Variants in SLC35B4 observed in about 807,000 individuals in gnomAD.
SLC35B4 encodes solute carrier family 35 member B4.
A neutral mutation model predicts 39.5 loss-of-function variants in SLC35B4; 28 were observed. The observed-to-expected ratio is 0.71, with a 90% CI of 0.53 to 0.97. SLC35B4 has a LOEUF of 0.97. Ranked by LOEUF, SLC35B4 falls within the 50% of genes least tolerant of loss-of-function variation. SLC35B4 has a pLI of 0.00. For synonymous variants in SLC35B4, 145 were observed against 150.4 expected, an observed-to-expected ratio of 0.96 and a Z score of 0.26; for missense variants, 334 against 414.3, an observed-to-expected ratio of 0.81 and a Z score of 1.68.
upstream of SLC35B4, among the ~76,000 whole-genome samples, chr7:134,317,857 T>G (rs1804026788): frequency 6.6e-6 from 1 of 152,264 alleles, no homozygotes; most frequent in South Asian, 2.1e-4. Flanking sequence ...CCAGCAAGAC[T>G]AGTTTTTAAG....
rs1299122178 is a variant in SLC35B4, at chr7:134,316,658, C to G, written c.77+17G>C. 2.6e-6 allele frequency: 4 copies of G among 1,549,124 alleles called. No individual in the cohort carries two copies. The highest frequency in any genetic ancestry group is 1.4e-5 in the African/African-American group (1 of 72,992). Reference sequence around the variant, plus strand: ...CCCGCCCCGGGAGACCGGGTGCGGCCCGAGCGGGTCACTCACCGGGCCAGG... The same window carrying G: ...CCCGCCCCGGGAGACCGGGTGCGGCGCGAGCGGGTCACTCACCGGGCCAGG... On this transcript the variant is annotated intron_variant, in intron 1 of 9. Transcript: ENST00000378509.
chr7:134,299,268 T>C (rs1032968284), intron 8 of SLC35B4: 16 of 397,472 alleles, frequency 4.0e-5, no homozygotes, highest in African/African-American at 3.3e-4. Context: ...ACATTTCACA[T>C]TCAAATGCAA....
At chr7:134,306,639 A>G (rs751077441) in intron 3 of SLC35B4, 33 bp downstream of exon 3, 1 of 1,554,360 alleles carries the variant, frequency 6.4e-7, no homozygotes, top group East Asian at 2.2e-5. Flanking sequence ...TACTTTTCAG[A>G]GGAACATATA....
chr7:134,294,649 G>T lies in SLC35B4; in HGVS notation c.*184C>A. On this transcript the variant is annotated 3_prime_UTR_variant, in exon 10 of 10. Coordinates refer to ENST00000378509, the MANE Select transcript of SLC35B4 (RefSeq NM_032826.5). Reference sequence around the variant, plus strand: ...TTCTTTTTTCTATTTTAGGGCTGAGGGGTTTCTATTTAGTCTACATGTGTC... The same window carrying T: ...TTCTTTTTTCTATTTTAGGGCTGAGTGGTTTCTATTTAGTCTACATGTGTC... 1 of 627,096 alleles carries T rather than the reference G, an allele frequency of 1.6e-6. No individual in the cohort carries two copies. The highest frequency in any genetic ancestry group is 2.7e-6 in the Non-Finnish European group (1 of 369,180). 38.8% of individuals were successfully genotyped at this position (627,096 alleles called of 1,614,324 possible).
At chr7:134,312,423 C>T (rs1259469051) in intron 1 of SLC35B4, among the ~76,000 whole-genome samples, 1 of 152,002 alleles carries the variant, frequency 6.6e-6, no homozygotes, top group Non-Finnish European at 1.5e-5. Context: ...TTGAATGGGA[C>T]TGGATCCCTG....
intron 4 of SLC35B4, among the ~76,000 whole-genome samples, chr7:134,302,771 G>T (rs182508845): frequency 9.9e-5 from 15 of 152,202 alleles, no homozygotes; most frequent in Admixed American, 2.6e-4. Flanking sequence ...CTCAGGCAAG[G>T]ATTAAAAGAA....
intron 4 of SLC35B4, among the ~76,000 whole-genome samples, chr7:134,303,354 T>C (rs375328946): frequency 1.2e-4 from 18 of 152,118 alleles, no homozygotes; most frequent in African/African-American, 4.3e-4. Flanking sequence ...TGTATCCTTG[T>C]CATGAGCCAG....
At chr7:134,311,696 G>A (rs1352214217) in intron 1 of SLC35B4, among the ~76,000 whole-genome samples, 3 of 152,120 alleles carry the variant, frequency 2.0e-5, no homozygotes, top group Non-Finnish European at 2.9e-5. Context: ...TTTACCCAAA[G>A]AGGCTCACTC....
intron 4 of SLC35B4, among the ~76,000 whole-genome samples, chr7:134,304,521 A>T (rs1585640080): frequency 6.6e-6 from 1 of 152,188 alleles, no homozygotes; most frequent in African/African-American, 2.4e-5. Context: ...GAACCTCTCT[A>T]TCATCTTTGT....
At chr7:134,301,929 A>C in intron 5 of SLC35B4, 100 bp downstream of exon 5, 1 of 1,518,406 alleles carries the variant, frequency 6.6e-7, no homozygotes, top group Non-Finnish European at 9.1e-7. Context: ...CTTCTCTTTC[A>C]AAATCTTTGT....
rs752815267 is a variant in SLC35B4, at chr7:134,301,768, C to T, written c.480G>A (p.Trp160Ter). 3.7e-6 allele frequency: 6 copies of T among 1,613,746 alleles called. No homozygotes were observed. In the Admixed American group the frequency reaches 1.0e-4, roughly 27 times the overall value. Reference sequence around the variant, plus strand: ...TATAATTATTGTACTTGCCTAGTAACCACCACACAAATGCCTGGAATCCAT... The same window carrying T: ...TATAATTATTGTACTTGCCTAGTAATCACCACACAAATGCCTGGAATCCAT... ...ENDGFQAFVW[W>*]LLGIGALTFA... is the part of the protein sequence containing the mutation. Residue 160 changes from tryptophan (W) to a stop codon, truncating the protein, a stop_gained, in exon 6 of 10, where the codon TGG (tryptophan) becomes TGA (stop). Coordinates refer to ENST00000378509, the MANE Select transcript of SLC35B4 (RefSeq NM_032826.5). LOFTEE classifies it high-confidence loss of function.
intron 6 of SLC35B4, among the ~76,000 whole-genome samples, chr7:134,300,984 G>A (rs2544214): frequency 0.5 from 76,687 of 151,998 alleles, 19,887 homozygotes; most frequent in African/African-American, 0.6. Context: ...ATTGTTGGGT[G>A]CTACTATTTC....
At chr7:134,304,695 C>A in intron 4 of SLC35B4, 110 bp downstream of exon 4, 1 of 809,490 alleles carries the variant, frequency 1.2e-6, no homozygotes. Context: ...AGGTAGATGG[C>A]CAGAAGCAAA....
At chr7:134,319,479 C>A (rs937484089), upstream of SLC35B4, among the ~76,000 whole-genome samples, 1 of 152,218 alleles carries the variant, frequency 6.6e-6, no homozygotes, top group Non-Finnish European at 1.5e-5. Context: ...CTCTCCTCCT[C>A]TGACCACTGG....
At chr7:134,311,043 G>A (rs375025299) in intron 1 of SLC35B4, among the ~76,000 whole-genome samples, 1 of 152,232 alleles carries the variant, frequency 6.6e-6, no homozygotes, top group Admixed American at 6.5e-5. Context: ...ATACAGGCAT[G>A]AGCCATTCTT....
intron 8 of SLC35B4, among the ~76,000 whole-genome samples, chr7:134,297,682 A>G (rs1803497282): frequency 6.6e-6 from 1 of 152,254 alleles, no homozygotes; most frequent in Admixed American, 6.5e-5. Flanking sequence ...AAAATCAATA[A>G]AAATAAAATT....
rs2117267529 is a variant in SLC35B4, at chr7:134,292,397, G to C, written c.*2436C>G. On this transcript the variant is annotated 3_prime_UTR_variant, in exon 10 of 10. Coordinates refer to ENST00000378509, the MANE Select transcript of SLC35B4 (RefSeq NM_032826.5). ...CTATATGTGGTCATCTTGTGCGAGT[G>C]TTCTAATCTAATCTATTCCCTGCCC... The C allele has an allele frequency of 6.6e-6, 1 of 152,386 alleles. No individual in the cohort carries two copies. The highest frequency in any genetic ancestry group is 2.1e-4 in the South Asian group (1 of 4,822). 9.4% of individuals were successfully genotyped at this position (152,386 alleles called of 1,614,324 possible).
upstream of SLC35B4, among the ~76,000 whole-genome samples, chr7:134,317,917 G>A (rs1804027916): frequency 6.6e-6 from 1 of 152,188 alleles, no homozygotes; most frequent in Non-Finnish European, 1.5e-5. Context: ...ACTATAAAAG[G>A]TTAGCATCAC....
chr7:134,301,536 A>G (rs1803581507), intron 6 of SLC35B4, among the ~76,000 whole-genome samples: 1 of 152,232 alleles, frequency 6.6e-6, no homozygotes, highest in Admixed American at 6.5e-5. Flanking sequence ...GCAACCAAGA[A>G]AAACATGGAT....
Sources: gnomAD v4.1 joint callset for allele counts (sites outside exome capture counted in the v4.1 genomes callset) on GRCh38, gnomAD v4.1.1 for gene constraint, MANE v1.5 for transcripts, NCBI Gene and HGNC (gene_info 2026-07-23, HGNC 2026-07-21) for gene names.